Variants in NELL2 observed in about 807,000 individuals in gnomAD.
NELL2 encodes neural EGFL like 2, also known as protein kinase C-binding protein NELL2.
NELL2 carries 41 observed loss-of-function variants against 109.6 expected under a neutral mutation model. The observed-to-expected ratio is 0.37, with a 90% CI of 0.29 to 0.49. The LOEUF (loss-of-function observed/expected upper bound fraction) is 0.49. Among genes scored for constraint, NELL2 ranks in the 20% least tolerant of loss-of-function variants. The pLI, the probability that NELL2 is intolerant of heterozygous loss-of-function variation, is 0.98. For synonymous variants in NELL2, 355 were observed against 344.7 expected, an observed-to-expected ratio of 1.03 and a Z score of -0.33; for missense variants, 900 against 1,008.3, an observed-to-expected ratio of 0.89 and a Z score of 1.45.
At chr12:44,761,792 A>T (rs1941137330) in intron 9 of NELL2, among the ~76,000 whole-genome samples, 1 of 152,202 alleles carries the variant, frequency 6.6e-6, no homozygotes, top group South Asian at 2.1e-4. Context: ...AAAATCAAAT[A>T]CTGCATGTTC....
chr12:44,563,430 G>A lies in NELL2; in HGVS notation c.1664-30709C>T, dbSNP rs532315358. 2.0e-5 allele frequency among the ~76,000 whole-genome samples: 3 copies of A among 152,076 alleles called. No individual in the cohort carries two copies. In the East Asian group the frequency reaches 5.8e-4, roughly 29 times the overall value. On this transcript the variant is annotated intron_variant, in intron 15 of 19. Transcript: ENST00000429094. ...CAAAATTCTAAATCCTGAATTTGAA[G>A]CTCTGCTTTAAAAGTGATATATTAT...
At chr12:44,620,234 A>T (rs182736529) in intron 13 of NELL2, among the ~76,000 whole-genome samples, 222 of 152,188 alleles carry the variant, frequency 1.5e-3, no homozygotes, top group African/African-American at 4.7e-3. Context: ...TCATAAACCA[A>T]ATAAACACTC....
chr12:44,745,504 T>A (rs1940287455), intron 9 of NELL2, among the ~76,000 whole-genome samples: 1 of 152,144 alleles, frequency 6.6e-6, no homozygotes, highest in Non-Finnish European at 1.5e-5. Flanking sequence ...AAAGAGGAAG[T>A]CAAATTGTCC....
rs12296479 is a variant in NELL2 at position 44,780,474 on chromosome 12, G to C, written c.336-452C>G. Among the ~76,000 whole-genome samples the C allele has an allele frequency of 4.3e-3, 654 of 151,894 alleles. 3 individuals are homozygous for C. The highest frequency in any genetic ancestry group is 0.015 in the African/African-American group (620 of 41,420). On this transcript the variant is annotated intron_variant, in intron 3 of 19. Coordinates refer to ENST00000429094, the MANE Select transcript of NELL2 (RefSeq NM_001145108.2). ...ACCATGCCAAACAAAAGCTAAGTAA[G>C]AAGCTTATATTTCTACCCTGTTCAA...
intron 9 of NELL2, among the ~76,000 whole-genome samples, chr12:44,772,453 CT>C (rs1941588091): frequency 6.6e-6 from 1 of 152,118 alleles, no homozygotes; most frequent in African/African-American, 2.4e-5. Flanking sequence ...AGCACATTTT[CT>C]GGATATTGTC....
At chr12:44,563,531 G>A (rs1043435022) in intron 15 of NELL2, among the ~76,000 whole-genome samples, 4 of 152,100 alleles carry the variant, frequency 2.6e-5, no homozygotes, top group Non-Finnish European at 5.9e-5. Context: ...GGGAAAGGGT[G>A]GCACCGCTTA....
rs184664017 is a variant in NELL2, at chr12:44,618,845, C to G, written c.1445-7875G>C. ...TTACTACAGACTGCAAAGCACTGTG[C>G]TAAGTGTTTTATATGCATTATCCTC... On this transcript the variant is annotated intron_variant, in intron 13 of 19. Transcript: ENST00000429094. Among the ~76,000 whole-genome samples the G allele has an allele frequency of 4.1e-4, 63 of 152,272 alleles. 1 individual carries two copies. The highest frequency in any genetic ancestry group is 1.4e-3 in the African/African-American group (59 of 41,548).
At chr12:44,726,438 G>A (rs79888413) in intron 9 of NELL2, among the ~76,000 whole-genome samples, 6 of 151,918 alleles carry the variant, frequency 3.9e-5, no homozygotes, top group Non-Finnish European at 7.4e-5. Context: ...CAGTCAAATC[G>A]CAATGGGCTT....
intron 13 of NELL2, among the ~76,000 whole-genome samples, chr12:44,635,572 T>C (rs1946608914): frequency 6.6e-6 from 1 of 152,192 alleles, no homozygotes. Flanking sequence ...TTTCTCAGGT[T>C]TGTCAAAGAT....
At chr12:44,699,967 A>C (rs569796276) in intron 12 of NELL2, among the ~76,000 whole-genome samples, 10 of 152,258 alleles carry the variant, frequency 6.6e-5, no homozygotes, top group Non-Finnish European at 8.8e-5. Flanking sequence ...AAAGAATTCC[A>C]AATTTTCTGT....
intron 13 of NELL2, among the ~76,000 whole-genome samples, chr12:44,614,805 T>G (rs1945759690): frequency 6.6e-6 from 1 of 152,054 alleles, no homozygotes; most frequent in Non-Finnish European, 1.5e-5. Context: ...TGCTCTAAAA[T>G]TCACATAGCT....
At chr12:44,786,581 G>T (rs1034987251) in intron 3 of NELL2, among the ~76,000 whole-genome samples, 1 of 152,148 alleles carries the variant, frequency 6.6e-6, no homozygotes, top group Non-Finnish European at 1.5e-5. Context: ...GTACATGTAT[G>T]TTTTCTGCAG....
At chr12:44,814,746 T>C (rs1943284406) in intron 3 of NELL2, among the ~76,000 whole-genome samples, 1 of 152,182 alleles carries the variant, frequency 6.6e-6, no homozygotes, top group Non-Finnish European at 1.5e-5. Flanking sequence ...AGATAGTATG[T>C]CCCTAGGAAC....
At chr12:44,898,312 G>C (rs1440303323) in intron 1 of NELL2, among the ~76,000 whole-genome samples, 1 of 152,178 alleles carries the variant, frequency 6.6e-6, no homozygotes, top group Non-Finnish European at 1.5e-5. Flanking sequence ...CTGATGGAGA[G>C]ACACCTCCCA....
At chr12:44,809,287 A>C (rs17654689) in intron 3 of NELL2, among the ~76,000 whole-genome samples, 11,024 of 152,148 alleles carry the variant, frequency 0.072, 582 homozygotes, top group Non-Finnish European at 0.11. Flanking sequence ...GCTTTTCAAC[A>C]ATCCTTTATA....
chr12:44,882,693 A>G lies in NELL2; in HGVS notation c.39-6793T>C, dbSNP rs191388223. On this transcript the variant is annotated intron_variant, in intron 1 of 20. Coordinates refer to the NELL2 transcript ENST00000333837. ...CAGGCAGGCACCACCAGGCCTGGCT[A>G]AGTTTTGTATTTTTAGTAGAGACAG... 1.7e-3 allele frequency among the ~76,000 whole-genome samples: 258 copies of G among 151,376 alleles called. 5 individuals carry two copies. Among genetic ancestry groups the G allele is most frequent in the African/African-American group, 5.8e-3 (238 of 41,034 alleles).
chr12:44,625,193 T>C (rs1289003738), intron 13 of NELL2, among the ~76,000 whole-genome samples: 2 of 151,972 alleles, frequency 1.3e-5, no homozygotes, highest in African/African-American at 4.8e-5. Flanking sequence ...CTTAGACTGC[T>C]GTGCATTCCT....
chr12:44,635,257 C>A (rs1946594822), intron 13 of NELL2, among the ~76,000 whole-genome samples: 1 of 152,062 alleles, frequency 6.6e-6, no homozygotes, highest in African/African-American at 2.4e-5. Flanking sequence ...ATGATAGTTT[C>A]TTTTGCTGTG....
rs114943995 is a variant in NELL2 at position 44,580,285 on chromosome 12, G to A, written c.1663+26884C>T. Reference sequence around the variant, plus strand: ...TGTGGAAGATTCACATTGATTCAAGGGAAAAAATGGTGTCTGTTGAGATTA... The same window carrying A: ...TGTGGAAGATTCACATTGATTCAAGAGAAAAAATGGTGTCTGTTGAGATTA... On this transcript the variant is annotated intron_variant, in intron 15 of 19. Transcript: ENST00000429094. Among the ~76,000 whole-genome samples, 700 of 152,166 alleles carry A rather than the reference G, an allele frequency of 4.6e-3. 6 individuals are homozygous for A. Among genetic ancestry groups the A allele is most frequent in the African/African-American group, 0.016 (658 of 41,534 alleles).
Sources: allele counts gnomAD v4.1 joint callset (sites outside exome capture counted in the v4.1 genomes callset), GRCh38; gene constraint gnomAD v4.1.1; transcripts MANE v1.5; gene names NCBI Gene and HGNC (gene_info 2026-07-23, HGNC 2026-07-21).